GRIP1: variants seen among roughly 807,000 people sequenced by gnomAD.
GRIP1 encodes glutamate receptor-interacting protein 1.
Under a neutral mutation model 129.9 loss-of-function variants are expected in GRIP1, and 45 were observed. The observed-to-expected ratio is 0.35, with a 90% CI of 0.27 to 0.44. The LOEUF (loss-of-function observed/expected upper bound fraction) is 0.44. GRIP1 is among the 20% of genes least tolerant of loss of function. The pLI is 1.00. For missense variants in GRIP1, 1,196 were observed against 1,396.8 expected, an observed-to-expected ratio of 0.86 and a Z score of 2.29; for synonymous variants, 530 against 520.8, an observed-to-expected ratio of 1.02 and a Z score of -0.24.
chr12:66,500,743 C>A (rs2060369571), intron 7 of GRIP1, among the ~76,000 whole-genome samples: 1 of 152,146 alleles, frequency 6.6e-6, no homozygotes, highest in Non-Finnish European at 1.5e-5. Context: ...ACAAGTCCAA[C>A]CTGTGATGCC....
intron 15 of GRIP1, among the ~76,000 whole-genome samples, chr12:66,410,038 C>G (rs1310787032): frequency 6.7e-6 from 1 of 150,160 alleles, no homozygotes; most frequent in East Asian, 2.0e-4. Context: ...ATCACGAGGT[C>G]AGGAGATCGA....
intron 1 of GRIP1, among the ~76,000 whole-genome samples, chr12:66,960,461 C>A (rs967423345): frequency 3.0e-4 from 45 of 152,012 alleles, no homozygotes; most frequent in African/African-American, 1.0e-3. Context: ...GTGGTAAGAT[C>A]AGCATTTGGA....
At chr12:66,561,623 T>G (rs1021662347) in intron 2 of GRIP1, among the ~76,000 whole-genome samples, 1 of 152,210 alleles carries the variant, frequency 6.6e-6, no homozygotes, top group Non-Finnish European at 1.5e-5. Context: ...TGGTTCATTA[T>G]GCCCTAAAAA....
At chr12:66,526,725 C>T (rs1372236479) in intron 5 of GRIP1, among the ~76,000 whole-genome samples, 4 of 151,710 alleles carry the variant, frequency 2.6e-5, no homozygotes, top group African/African-American at 9.7e-5. Flanking sequence ...AAGAAACTAC[C>T]ATCAGAGTGA....
intron 11 of GRIP1, among the ~76,000 whole-genome samples, chr12:66,447,676 C>G (rs1296405239): frequency 1.3e-5 from 2 of 151,848 alleles, no homozygotes; most frequent in East Asian, 3.9e-4. Context: ...CCCTTTCCAC[C>G]CCCCATGATT....
At position 66,778,785 on chromosome 12, in the gene GRIP1, C is replaced by T. The variant is rs187986030; in HGVS notation, c.-420+25268G>A. Among the ~76,000 whole-genome samples the T allele has an allele frequency of 2.2e-4, 33 of 152,220 alleles. No individual in the cohort carries two copies. In the East Asian group the frequency reaches 3.3e-3, roughly 15 times the overall value. On this transcript the variant is annotated intron_variant, in intron 1 of 4. Transcript: ENST00000538373. ...TGTAAACAGTCTGATATATTCGATA[C>T]GTGCAAAATTGCTCAGTAGTAAAAA...
intron 1 of GRIP1, among the ~76,000 whole-genome samples, chr12:66,677,786 A>G (rs564667779): frequency 1.4e-4 from 22 of 152,318 alleles, no homozygotes; most frequent in South Asian, 4.1e-4. Flanking sequence ...CAGATAAAAT[A>G]TTAATTGCAT....
At chr12:67,039,593 A>T (rs1322493688) in intron 1 of GRIP1, among the ~76,000 whole-genome samples, 1 of 152,208 alleles carries the variant, frequency 6.6e-6, no homozygotes, top group Non-Finnish European at 1.5e-5. Flanking sequence ...GAGTACTGCA[A>T]CATTGGTTCT....
chr12:66,779,083 T>A (rs908068203), intron 1 of GRIP1, among the ~76,000 whole-genome samples: 1 of 152,176 alleles, frequency 6.6e-6, no homozygotes, highest in Admixed American at 6.5e-5. Flanking sequence ...ACCGGCTCAA[T>A]AAAGATGAAG....
chr12:67,005,110 T>C (rs1404616955), intron 1 of GRIP1, among the ~76,000 whole-genome samples: 1 of 152,160 alleles, frequency 6.6e-6, no homozygotes, highest in Non-Finnish European at 1.5e-5. Context: ...TATAAAGATC[T>C]GACCAAAGCA....
intron 7 of GRIP1, among the ~76,000 whole-genome samples, chr12:66,497,830 T>A (rs2060277145): frequency 1.3e-5 from 2 of 152,124 alleles, no homozygotes; most frequent in South Asian, 4.2e-4. Flanking sequence ...CTTGCACGTA[T>A]ACGCCCAGAT....
chr12:66,754,734 C>G (rs1018990779), intron 1 of GRIP1, among the ~76,000 whole-genome samples: 7 of 152,062 alleles, frequency 4.6e-5, no homozygotes, highest in Non-Finnish European at 8.8e-5. Context: ...TGAGGAAGTC[C>G]CCATTTTCAT....
exon 1 of GRIP1, chr12:67,069,119 C>T: frequency 1.0e-6 from 1 of 985,428 alleles, no homozygotes; most frequent in Non-Finnish European, 1.2e-6. Flanking sequence ...GTGTCGCTCC[C>T]TGCGCTCGCT....
chr12:66,762,657 G>A (rs2037511860), intron 1 of GRIP1, among the ~76,000 whole-genome samples: 1 of 152,042 alleles, frequency 6.6e-6, no homozygotes, highest in South Asian at 2.1e-4. Flanking sequence ...ACACCATTCT[G>A]TACAAGCCAC....
chr12:66,523,966 C>G (rs1302110846), intron 5 of GRIP1, among the ~76,000 whole-genome samples: 1 of 152,158 alleles, frequency 6.6e-6, no homozygotes, highest in Admixed American at 6.5e-5. Flanking sequence ...ATCAATTCAA[C>G]AAGAAGAGCT....
At chr12:66,961,486 T>C (rs895091026) in intron 1 of GRIP1, among the ~76,000 whole-genome samples, 1 of 152,142 alleles carries the variant, frequency 6.6e-6, no homozygotes, top group Non-Finnish European at 1.5e-5. Context: ...TAAGAAGTAG[T>C]TAAGTTTAAG....
At chr12:66,551,857 C>T (rs1283278750) in intron 2 of GRIP1, among the ~76,000 whole-genome samples, 3 of 152,128 alleles carry the variant, frequency 2.0e-5, no homozygotes, top group African/African-American at 7.2e-5. Flanking sequence ...GCTGGGACTA[C>T]AGGCATGAGC....
intron 1 of GRIP1, among the ~76,000 whole-genome samples, chr12:66,794,023 G>A (rs1046803649): frequency 6.6e-6 from 1 of 152,130 alleles, no homozygotes; most frequent in Non-Finnish European, 1.5e-5. Flanking sequence ...AAAGAAAAAG[G>A]TAGGTCTATA....
chr12:66,684,080 TTGAA>T (rs2034688112), upstream of GRIP1, among the ~76,000 whole-genome samples: 1 of 152,218 alleles, frequency 6.6e-6, no homozygotes, highest in Admixed American at 6.5e-5. Context: ...CTAGGCTTGT[TTGAA>T]TGGTAAACTG....
Sources: allele counts gnomAD v4.1 joint callset (sites outside exome capture counted in the v4.1 genomes callset), GRCh38; gene constraint gnomAD v4.1.1; transcripts MANE v1.5; gene names NCBI Gene and HGNC (gene_info 2026-07-23, HGNC 2026-07-21).